The following CACNA1G variants were observed in gnomAD, a reference collection of about 807,000 sequenced individuals.
The protein encoded by CACNA1G is calcium voltage-gated channel subunit alpha1 G.
Under a neutral mutation model 219.4 loss-of-function variants are expected in CACNA1G, and 67 were observed. That is an observed-to-expected ratio of 0.31 (90% CI 0.25 to 0.37). The LOEUF is 0.37. Among genes scored for constraint, CACNA1G ranks in the 10% least tolerant of loss-of-function variants. CACNA1G has a pLI of 1.00. For missense variants in CACNA1G, 2,380 were observed against 3,231.4 expected, an observed-to-expected ratio of 0.74 and a Z score of 6.39; for synonymous variants, 1,296 against 1,345.3, an observed-to-expected ratio of 0.96 and a Z score of 0.80.
chr17:50,574,543 G>A (rs2040193978), intron 7 of CACNA1G, among the ~76,000 whole-genome samples: 1 of 152,112 alleles, frequency 6.6e-6, no homozygotes, highest in Admixed American at 6.5e-5. Context: ...CTTCAGGGAA[G>A]TGGGGTCTTC....
chr17:50,618,517 T>A lies in CACNA1G; in HGVS notation c.5428-138T>A, dbSNP rs1342866573. On this transcript the variant is annotated intron_variant, in intron 32 of 37. Transcript: ENST00000359106. This position sits in a 1 kb window ranked among gnomAD's most constrained non-coding sequence, Gnocchi z 5.3. The stretch of plus-strand genomic sequence containing the variant: ...ATGCTCTGACTCACACTTGTAGTGC[T>A]CCTCTGCCCCCAAACACTCCCTCCT... The A allele has an allele frequency of 1.0e-5, 11 of 1,053,512 alleles. No homozygotes were observed. Among genetic ancestry groups the A allele is most frequent in the Admixed American group, 4.0e-5 (2 of 49,464 alleles). 65.3% of individuals were successfully genotyped at this position (1,053,512 alleles called of 1,614,324 possible).
At chr17:50,608,108 C>G in intron 25 of CACNA1G, 89 bp downstream of exon 25, 1 of 1,243,552 alleles carries the variant, frequency 8.0e-7, no homozygotes, top group Non-Finnish European at 1.1e-6. Context: ...GGGGGCTGGG[C>G]GCTGGGGCCG....
chr17:50,577,051 G>A (rs1286492231), intron 8 of CACNA1G, among the ~76,000 whole-genome samples: 2 of 152,202 alleles, frequency 1.3e-5, no homozygotes, highest in Non-Finnish European at 2.9e-5. Flanking sequence ...GGGGAGCAGC[G>A]GGATATTCGT....
chr17:50,590,137 G>A (rs777266128), intron 9 of CACNA1G, among the ~76,000 whole-genome samples: 1 of 152,160 alleles, frequency 6.6e-6, no homozygotes, highest in Non-Finnish European at 1.5e-5. Flanking sequence ...GGCTTGCATT[G>A]TAGCCTAGGT....
At chr17:50,591,332 G>C in intron 10 of CACNA1G, 103 bp from the exon 11 acceptor site, 2 of 1,184,608 alleles carry the variant, frequency 1.7e-6, no homozygotes, top group Non-Finnish European at 2.3e-6. Flanking sequence ...TTCTCTCGAC[G>C]TGCCCACCCA....
intron 22 of CACNA1G, among the ~76,000 whole-genome samples, 199 bp downstream of exon 22, chr17:50,604,480 A>G (rs2047504820): frequency 2.0e-5 from 3 of 152,220 alleles, no homozygotes; most frequent in Admixed American, 2.0e-4. Flanking sequence ...GGAAGGCCCC[A>G]AGGAGGACCG....
chr17:50,576,364 C>T, intron 8 of CACNA1G, 38 bp downstream of exon 8: 2 of 1,548,396 alleles, frequency 1.3e-6, no homozygotes, highest in Non-Finnish European at 1.7e-6. Context: ...GTGCCCTCGT[C>T]TGGGGACTGG....
intron 22 of CACNA1G, 135 bp from the exon 23 acceptor site, chr17:50,605,763 C>A: frequency 1.1e-6 from 1 of 874,908 alleles, no homozygotes; most frequent in South Asian, 1.6e-5. Flanking sequence ...GTTTCCCTGA[C>A]TTGACTGGCC....
chr17:50,600,832 T>C lies in CACNA1G; in HGVS notation c.3791+6T>C. On this transcript the variant is annotated splice_donor_region_variant and intron_variant, in intron 18 of 37. Transcript: ENST00000359106. The surrounding 1 kb of genome is among the most constrained non-coding windows in gnomAD (Gnocchi z 4.1). ...ATCTTCCCTCCTCAGTCCAGGTAAGTGACAGGGCAGGGGTCTGACCTGTGT... is the reference window on the plus strand; with the variant it reads ...ATCTTCCCTCCTCAGTCCAGGTAAGCGACAGGGCAGGGGTCTGACCTGTGT... 6.2e-7 allele frequency: 1 copy of C among 1,611,518 alleles called. No homozygotes were observed. The highest frequency in any genetic ancestry group is 8.5e-7 in the Non-Finnish European group (1 of 1,177,918).
Position 50,617,310 on chromosome 17 carries a change from T to G in CACNA1G, c.5022-128T>G. ...CCTTAGATAAGCCACGCCTCTTCTC[T>G]GTGGGATGGGAGGCTGGACCCGCTG... On this transcript the variant is annotated intron_variant, in intron 28 of 37. Coordinates refer to ENST00000359106, the MANE Select transcript of CACNA1G (RefSeq NM_018896.5). This position sits in a 1 kb window ranked among gnomAD's most constrained non-coding sequence, Gnocchi z 5.8. 9.6e-7 allele frequency: 1 copy of G among 1,038,876 alleles called. No homozygotes were observed. Among genetic ancestry groups the G allele is most frequent in the Non-Finnish European group, 1.4e-6 (1 of 724,010 alleles). 64.4% of individuals were successfully genotyped at this position (1,038,876 alleles called of 1,614,324 possible).
intron 16 of CACNA1G, among the ~76,000 whole-genome samples, chr17:50,597,462 C>G (rs2045794419): frequency 1.3e-5 from 2 of 152,162 alleles, no homozygotes; most frequent in South Asian, 2.1e-4. Flanking sequence ...TGCCCATGCT[C>G]TCATGATTTT....
chr17:50,576,282 G>A lies in CACNA1G; in HGVS notation c.1880G>A (p.Gly627Glu). 6.3e-7 allele frequency: 1 copy of A among 1,583,640 alleles called. No homozygotes were observed. ...CTCACCAGCCTCAACATCCCACCCG[G>A]GCCCTACAGCTCCATGCACAAGCTG... ...PTLTSLNIPP[G>E]PYSSMHKLLE... Residue 627 changes from glycine to glutamate, a missense_variant, in exon 8 of 38, where the codon GGG becomes GAG. Gly to Glu is a moderately conservative substitution (Grantham distance 98, BLOSUM62 -2). Transcript: ENST00000359106.
Position 50,617,558 on chromosome 17 carries a change from G to C in CACNA1G, c.5142G>C (p.Leu1714=), listed in dbSNP as rs751887776. The part of the protein sequence containing the change: ...NPTIIRIMRV[L]RIARVLKLLK... ...CCATCATCCGCATCATGAGGGTGCT[G>C]CGCATTGCCCGAGGTTGGTGCCCAG... The change falls in exon 29 of 38, where the codon CTG becomes CTC. Residue 1714 remains leucine (L), a synonymous_variant. Transcript: ENST00000359106. This position sits in a 1 kb window ranked among gnomAD's most constrained non-coding sequence, Gnocchi z 5.8. 59 of 1,613,988 alleles carry C rather than the reference G, an allele frequency of 3.7e-5. No homozygotes were observed. Among genetic ancestry groups the C allele is most frequent in the Non-Finnish European group, 4.8e-5 (57 of 1,179,878 alleles).
At chr17:50,589,195 AC>A (rs543190642) in intron 9 of CACNA1G, among the ~76,000 whole-genome samples, 86 of 151,534 alleles carry the variant, frequency 5.7e-4, no homozygotes, top group African/African-American at 2.0e-3. Context: ...GCCTGGCCAC[AC>A]CCCTCCCTTC....
Position 50,596,590 on chromosome 17 carries a change from C to G in CACNA1G, c.3008C>G (p.Pro1003Arg), listed in dbSNP as rs764027191. 1.4e-5 allele frequency: 23 copies of G among 1,613,962 alleles called. No homozygotes were observed. In the South Asian group the frequency reaches 2.5e-4, roughly 18 times the overall value. ...GATGCCAACAAGTCCGAATCAGAGC[C>G]CGATTTCTTCTCACCCAGCCTGGAT... The part of the protein sequence containing the change: ...GGDANKSESE[P>R]DFFSPSLDGD... Residue 1003 changes from proline (P) to arginine (R), a missense_variant, in exon 15 of 38, where the codon CCC becomes CGC. Transcript: ENST00000359106. This position sits in a 1 kb window ranked among gnomAD's most constrained non-coding sequence, Gnocchi z 4.8.
intron 1 of CACNA1G, among the ~76,000 whole-genome samples, chr17:50,566,330 C>G (rs994437824): frequency 6.7e-6 from 1 of 150,042 alleles, no homozygotes; most frequent in Non-Finnish European, 1.5e-5. Flanking sequence ...AATTATTCCT[C>G]TATTCAGAGT....
In CACNA1G at chr17:50,591,702, C is replaced by G. The variant is rs775343080; in HGVS notation, c.2640-37C>G. The G allele has an allele frequency of 1.5e-5, 24 of 1,611,248 alleles. No homozygotes were observed. The East Asian group carries it at 5.4e-4, about 36-fold the overall frequency. The stretch of plus-strand genomic sequence containing the variant: ...GGCCTGAGGGGTGAGGAGCACTGGG[C>G]TCTGATCCCTAGCTTGTGGCCCCCT... On this transcript the variant is annotated intron_variant, in intron 11 of 37. Coordinates refer to ENST00000359106, the MANE Select transcript of CACNA1G (RefSeq NM_018896.5).
At position 50,627,353 on chromosome 17, in the gene CACNA1G, A is replaced by G. The variant is rs1017767328; in HGVS notation, c.*602A>G. The G allele has an allele frequency of 1.5e-5, 6 of 400,216 alleles. No homozygotes were observed. Among genetic ancestry groups the G allele is most frequent in the South Asian group, 3.6e-5 (2 of 55,466 alleles). The allele number at this position is 400,216 out of a possible 1,614,324, so 24.8% of individuals were successfully genotyped here. A position where few individuals can be genotyped will look rare whatever the true frequency, so the allele number is the denominator to read the frequency against. On this transcript the variant is annotated 3_prime_UTR_variant, in exon 38 of 38. Coordinates refer to ENST00000359106, the MANE Select transcript of CACNA1G (RefSeq NM_018896.5). The stretch of plus-strand genomic sequence containing the variant: ...TCGTCATCATTTTCTGTAGGGAAAA[A>G]AAAAAGAAAAAGAAAAAATGAGATT...
At chr17:50,592,238 AC>A in intron 13 of CACNA1G, 146 bp downstream of exon 13, 2 of 814,806 alleles carry the variant, frequency 2.5e-6, no homozygotes, top group South Asian at 1.9e-5. Flanking sequence ...GCCGGGGTGG[AC>A]CAGGGCGGGA....
Sources: allele counts gnomAD v4.1 joint callset (sites outside exome capture counted in the v4.1 genomes callset), GRCh38; gene constraint gnomAD v4.1.1; non-coding constraint Gnocchi (gnomAD v3.1); transcripts MANE v1.5; gene names NCBI Gene and HGNC (gene_info 2026-07-23, HGNC 2026-07-21).